Variants in CRB1 observed in about 807,000 individuals in gnomAD.
CRB1 encodes the protein crumbs cell polarity complex component 1.
A neutral mutation model predicts 120.0 loss-of-function variants in CRB1; 83 were observed. The observed-to-expected ratio is 0.69, with a 90% confidence interval of 0.58 to 0.83. The LOEUF (loss-of-function observed/expected upper bound fraction) is 0.83, where lower values mean the gene tolerates loss of function less well. CRB1 is among the 40% of genes least tolerant of loss of function. The pLI, the probability that CRB1 is intolerant of heterozygous loss-of-function variation, is 0.00. For synonymous variants in CRB1, 625 were observed against 612.5 expected, an observed-to-expected ratio of 1.02 and a Z score of -0.30; for missense variants, 1,699 against 1,687.6, an observed-to-expected ratio of 1.01 and a Z score of -0.12.
chr1:197,330,799 C>G (rs1312507209), intron 2 of CRB1, among the ~76,000 whole-genome samples: 1 of 152,084 alleles, frequency 6.6e-6, no homozygotes, highest in Non-Finnish European at 1.5e-5. Context: ...TGCACCCCCC[C>G]CCAAATGTTA....
At chr1:197,334,175 A>T (rs948713744) in intron 2 of CRB1, among the ~76,000 whole-genome samples, 2 of 152,172 alleles carry the variant, frequency 1.3e-5, no homozygotes, top group Non-Finnish European at 2.9e-5. Context: ...TAGTTTGGGG[A>T]CTACACTTTG....
the CRB1 span, among the ~76,000 whole-genome samples, chr1:197,214,137 A>G: frequency 6.6e-6 from 1 of 152,170 alleles, no homozygotes; most frequent in Non-Finnish European, 1.5e-5. Flanking sequence ...AGAAAAAAAA[A>G]GCTGGCAAAC....
At chr1:197,258,995 A>G in the CRB1 span, among the ~76,000 whole-genome samples, 1 of 152,196 alleles carries the variant, frequency 6.6e-6, no homozygotes, top group Admixed American at 6.5e-5. Context: ...TGTAATCCCC[A>G]TTATACTTCA....
At chr1:197,348,761 C>A (rs1055928296) in intron 4 of CRB1, among the ~76,000 whole-genome samples, 7 of 152,166 alleles carry the variant, frequency 4.6e-5, no homozygotes, top group African/African-American at 1.7e-4. Context: ...CAGGCATAAG[C>A]CACTGCGCCT....
chr1:197,290,569 C>T (rs777692593), intron 1 of CRB1, among the ~76,000 whole-genome samples: 9 of 151,586 alleles, frequency 5.9e-5, no homozygotes, highest in Non-Finnish European at 1.0e-4. Flanking sequence ...TTCTTCTTCT[C>T]TCCCCTCTAT....
chr1:197,278,551 G>A (rs1220051441), intron 1 of CRB1, among the ~76,000 whole-genome samples: 2 of 151,854 alleles, frequency 1.3e-5, no homozygotes, highest in Non-Finnish European at 2.9e-5. Flanking sequence ...GCATACAATA[G>A]CTCTTAAAAG....
At chr1:197,235,155 T>C in the CRB1 span, among the ~76,000 whole-genome samples, 6 of 152,140 alleles carry the variant, frequency 3.9e-5, no homozygotes, top group African/African-American at 1.4e-4. Flanking sequence ...GGAGTGGCCC[T>C]ATTTGCCCTC....
At chr1:197,267,517 A>G (rs1363117538), upstream of CRB1, among the ~76,000 whole-genome samples, 2 of 152,202 alleles carry the variant, frequency 1.3e-5, no homozygotes, top group Non-Finnish European at 2.9e-5. Flanking sequence ...AAAGTGTAAC[A>G]GTGAACAGTT....
intron 11 of CRB1, among the ~76,000 whole-genome samples, chr1:197,456,419 T>G (rs948760332): frequency 1.6e-4 from 24 of 152,130 alleles, no homozygotes; most frequent in Admixed American, 1.1e-3. Context: ...ATGTTTTTAT[T>G]CATCCTGCCC....
chr1:197,329,036 G>A (rs1558057701), intron 2 of CRB1, 33 bp downstream of exon 2: 2 of 1,558,458 alleles, frequency 1.3e-6, no homozygotes, highest in East Asian at 2.2e-5. Flanking sequence ...CACAGATGGT[G>A]TAGTTAGCTC....
Position 197,323,790 on chromosome 1 carries a change from C to T in CRB1, c.71-4632C>T, listed in dbSNP as rs563585328. Among the ~76,000 whole-genome samples, 24 of 152,240 alleles carry T rather than the reference C, an allele frequency of 1.6e-4. No individual in the cohort carries two copies. In the South Asian group the frequency reaches 4.3e-3, roughly 28 times the overall value. On this transcript the variant is annotated intron_variant, in intron 1 of 11. Transcript: ENST00000367400. Reference sequence around the variant, plus strand: ...GGTCCCTTACCCTACCTAACCCTAACGCCCAAGACCTGATCCAAGCCAGAC... The same window carrying T: ...GGTCCCTTACCCTACCTAACCCTAATGCCCAAGACCTGATCCAAGCCAGAC...
chr1:197,473,733 C>T (rs1010451009), intron 11 of CRB1, among the ~76,000 whole-genome samples: 2 of 151,958 alleles, frequency 1.3e-5, no homozygotes, highest in Admixed American at 1.3e-4. Context: ...TAGGGCTGGC[C>T]TTAAATCTCG....
At chr1:197,362,398 A>G (rs1192766674) in intron 5 of CRB1, among the ~76,000 whole-genome samples, 1 of 152,088 alleles carries the variant, frequency 6.6e-6, no homozygotes, top group African/African-American at 2.4e-5. Flanking sequence ...GGTGTTGTTC[A>G]CATTTTGTAT....
At position 197,344,131 on chromosome 1, in the gene CRB1, G is replaced by A. The variant is rs553379199; in HGVS notation, c.653-150G>A. 3.7e-6 allele frequency: 3 copies of A among 806,506 alleles called. No homozygotes were observed. In the South Asian group the frequency reaches 4.5e-5, roughly 12 times the overall value. 50.0% of individuals were successfully genotyped at this position (806,506 alleles called of 1,614,324 possible). ...GCAACTTCCCACAAGCACACCAAAA[G>A]TTAATATCAATTACAATTAAGGGGG... On this transcript the variant is annotated intron_variant, in intron 2 of 11. Coordinates refer to ENST00000367400, the MANE Select transcript of CRB1 (RefSeq NM_201253.3).
At chr1:197,407,106 A>G (rs1313334820) in intron 5 of CRB1, among the ~76,000 whole-genome samples, 6 of 152,234 alleles carry the variant, frequency 3.9e-5, no homozygotes, top group Non-Finnish European at 4.4e-5. Context: ...GTTTGCTACA[A>G]TATGCCACAG....
At chr1:197,215,912 CAATTT>C in the CRB1 span, among the ~76,000 whole-genome samples, 3 of 152,180 alleles carry the variant, frequency 2.0e-5, no homozygotes, top group South Asian at 2.1e-4. Flanking sequence ...AACTAGGTCT[CAATTT>C]AATCTATTGG....
intron 5 of CRB1, among the ~76,000 whole-genome samples, chr1:197,371,823 C>T (rs1194838729): frequency 6.6e-6 from 1 of 152,138 alleles, no homozygotes; most frequent in Non-Finnish European, 1.5e-5. Context: ...AAGAAGCCTG[C>T]TCCTTGTCCC....
At chr1:197,324,766 C>T (rs1047409526) in intron 1 of CRB1, among the ~76,000 whole-genome samples, 16 of 152,278 alleles carry the variant, frequency 1.1e-4, no homozygotes, top group Non-Finnish European at 2.2e-4. Context: ...AATCAGGACA[C>T]TGAGGCTCAG....
the CRB1 span, among the ~76,000 whole-genome samples, chr1:197,262,115 G>A: frequency 6.6e-6 from 1 of 152,298 alleles, no homozygotes; most frequent in East Asian, 1.9e-4. Flanking sequence ...TACTGATGAT[G>A]ACTCTAGTAT....
Sources: allele counts gnomAD v4.1 joint callset (sites outside exome capture counted in the v4.1 genomes callset), GRCh38; gene constraint gnomAD v4.1.1; transcripts MANE v1.5; gene names NCBI Gene and HGNC (gene_info 2026-07-23, HGNC 2026-07-21).